The following PARD3B variants were observed in gnomAD, a reference collection of about 807,000 sequenced individuals.
PARD3B encodes partitioning defective 3 homolog B.
In PARD3B, 103 loss-of-function variants were observed where a neutral mutation model predicts 130.2. The observed-to-expected ratio is 0.79, with a 90% CI of 0.67 to 0.93. The LOEUF is 0.93. Among genes scored for constraint, PARD3B ranks in the 40% least tolerant of loss-of-function variants. The probability of loss-of-function intolerance (pLI) is 0.00; values close to 1 mark genes in which losing one functional copy is unlikely to be tolerated. For missense variants in PARD3B, 1,609 were observed against 1,499.2 expected (o/e 1.07, Z -1.21); for synonymous variants, 583 against 553.2 (o/e 1.05, Z -0.76).
intron 3 of PARD3B, among the ~76,000 whole-genome samples, chr2:204,991,736 C>T (rs1488055043): frequency 6.6e-6 from 1 of 151,878 alleles, no homozygotes; most frequent in Non-Finnish European, 1.5e-5. Context: ...TCTCCAGCAC[C>T]TGTGGTTTCC....
intron 10 of PARD3B, among the ~76,000 whole-genome samples, chr2:205,157,062 C>T (rs2034216882): frequency 6.6e-6 from 1 of 152,156 alleles, no homozygotes; most frequent in African/African-American, 2.4e-5. Context: ...GAGAACCTTT[C>T]TAGTTTTTCT....
chr2:204,688,801 G>A (rs1172161154), intron 2 of PARD3B, among the ~76,000 whole-genome samples: 1 of 152,048 alleles, frequency 6.6e-6, no homozygotes, highest in Non-Finnish European at 1.5e-5. Flanking sequence ...CTTTGAGGCG[G>A]TATTGAGCTT....
intron 18 of PARD3B, among the ~76,000 whole-genome samples, chr2:205,399,004 C>G (rs1323952033): frequency 6.6e-6 from 1 of 152,148 alleles, no homozygotes; most frequent in Admixed American, 6.5e-5. Flanking sequence ...CACGGTGGCT[C>G]ACGCCTGTAA....
At chr2:205,290,062 C>T (rs1220850386) in intron 16 of PARD3B, among the ~76,000 whole-genome samples, 1 of 152,162 alleles carries the variant, frequency 6.6e-6, no homozygotes, top group Non-Finnish European at 1.5e-5. Context: ...ATAGCAATTG[C>T]TTTAAAGAGT....
intron 18 of PARD3B, among the ~76,000 whole-genome samples, chr2:205,327,535 A>G (rs1417395943): frequency 6.6e-6 from 1 of 152,240 alleles, no homozygotes; most frequent in Non-Finnish European, 1.5e-5. Flanking sequence ...AAGCTGAAAC[A>G]TAAAAAGATT....
At chr2:205,442,747 A>C (rs916692855) in intron 20 of PARD3B, among the ~76,000 whole-genome samples, 1 of 152,188 alleles carries the variant, frequency 6.6e-6, no homozygotes, top group African/African-American at 2.4e-5. Flanking sequence ...TCTTTGGAAC[A>C]CTATTTAGGA....
intron 1 of PARD3B, among the ~76,000 whole-genome samples, chr2:204,665,093 A>T (rs1038919748): frequency 1.3e-5 from 2 of 151,038 alleles, no homozygotes; most frequent in African/African-American, 4.9e-5. Flanking sequence ...GTTTGTGGCT[A>T]TGATTTTCTT....
intron 2 of PARD3B, among the ~76,000 whole-genome samples, chr2:204,756,437 T>C (rs775679864): frequency 2.6e-5 from 4 of 152,182 alleles, no homozygotes; most frequent in Admixed American, 6.6e-5. Flanking sequence ...TTTTTCTCCA[T>C]TATTTGATTT....
intron 21 of PARD3B, among the ~76,000 whole-genome samples, chr2:205,536,737 T>C (rs1272371365): frequency 6.6e-6 from 1 of 152,180 alleles, no homozygotes; most frequent in East Asian, 1.9e-4. Flanking sequence ...ATGTTGGTGC[T>C]ATTTTCCATA....
chr2:204,878,088 T>G (rs970670268), intron 2 of PARD3B, among the ~76,000 whole-genome samples: 4 of 152,188 alleles, frequency 2.6e-5, no homozygotes, highest in Admixed American at 1.3e-4. Context: ...GATATTAAAC[T>G]ACAGAGGCAT....
At chr2:205,314,278 A>G (rs1447040703) in intron 18 of PARD3B, among the ~76,000 whole-genome samples, 1 of 152,190 alleles carries the variant, frequency 6.6e-6, no homozygotes. Context: ...TGCGTATAAT[A>G]AAGAATGAGA....
At chr2:204,822,443 T>C (rs1429104659) in intron 2 of PARD3B, among the ~76,000 whole-genome samples, 1 of 152,196 alleles carries the variant, frequency 6.6e-6, no homozygotes, top group Non-Finnish European at 1.5e-5. Context: ...ATAAACTGAG[T>C]TTAGCTTTAT....
At position 204,965,189 on chromosome 2, in the gene PARD3B, A is replaced by G. The variant is rs377575057; in HGVS notation, c.260A>G (p.Lys87Arg). ...TTTGAAGAACAAGAACCACTCCACA[A>G]GATTGAGAGCCCCAGTGGAAACCCT... ...AVFEEQEPLHKIESPSGNPAD... is the reference protein window; with the variant it reads ...AVFEEQEPLHRIESPSGNPAD... Residue 87 changes from lysine to arginine, a missense_variant, in exon 3 of 23, where the codon AAG becomes AGG. Lys to Arg is a conservative substitution (Grantham distance 26). Transcript: ENST00000406610. 6.2e-6 allele frequency: 10 copies of G among 1,613,828 alleles called. No individual in the cohort carries two copies. The highest frequency in any genetic ancestry group is 1.6e-4 in the Middle Eastern group (1 of 6,082).
intron 20 of PARD3B, among the ~76,000 whole-genome samples, chr2:205,477,000 G>T (rs2049044476): frequency 6.6e-6 from 1 of 152,020 alleles, no homozygotes; most frequent in African/African-American, 2.4e-5. Flanking sequence ...TATATTTGTG[G>T]GTAGATTCCA....
chr2:204,731,474 G>T (rs2039504567), intron 2 of PARD3B, among the ~76,000 whole-genome samples: 1 of 152,166 alleles, frequency 6.6e-6, no homozygotes, highest in Non-Finnish European at 1.5e-5. Context: ...GTTTATAAAT[G>T]ATTAAGTTTT....
chr2:205,176,805 C>A lies in PARD3B; in HGVS notation c.1924+228C>A, dbSNP rs1264191497. The stretch of plus-strand genomic sequence containing the variant: ...TAAGTGACACTTTCTGTGCTTGCTG[C>A]CCCAAACATGGAGGGTTATATATAA... On this transcript the variant is annotated intron_variant, in intron 13 of 22. Transcript: ENST00000406610. The surrounding 1 kb of genome is among the most constrained non-coding windows in gnomAD (Gnocchi z 5.3). 1.3e-5 allele frequency among the ~76,000 whole-genome samples: 2 copies of A among 152,036 alleles called. No homozygotes were observed. Among genetic ancestry groups the A allele is most frequent in the African/African-American group, 2.4e-5 (1 of 41,404 alleles).
chr2:205,145,639 T>C (rs1330834260), intron 10 of PARD3B, among the ~76,000 whole-genome samples: 2 of 152,136 alleles, frequency 1.3e-5, no homozygotes, highest in Non-Finnish European at 2.9e-5. Flanking sequence ...CCTTTCCCTC[T>C]AGCCCATTCT....
At chr2:205,467,648 C>T (rs1175098326) in intron 20 of PARD3B, among the ~76,000 whole-genome samples, 2 of 152,070 alleles carry the variant, frequency 1.3e-5, no homozygotes, top group African/African-American at 4.8e-5. Context: ...GGACTAGCCA[C>T]AATTTTGAGT....
intron 1 of PARD3B, among the ~76,000 whole-genome samples, chr2:204,583,153 C>G (rs1481881412): frequency 2.2e-5 from 3 of 137,400 alleles, no homozygotes; most frequent in Non-Finnish European, 4.6e-5. Context: ...ATAAATCATG[C>G]TGCTATAAAG....
Sources: gnomAD v4.1 joint callset for allele counts (sites outside exome capture counted in the v4.1 genomes callset) on GRCh38, gnomAD v4.1.1 for gene constraint, Gnocchi (gnomAD v3.1) non-coding constraint, MANE v1.5 for transcripts, NCBI Gene and HGNC (gene_info 2026-07-23, HGNC 2026-07-21) for gene names.